Variants in FBXO15 observed in about 807,000 individuals in gnomAD.
FBXO15 encodes the protein F-box only protein 15.
FBXO15 carries 30 observed loss-of-function variants against 49.5 expected under a neutral mutation model. The observed-to-expected ratio is 0.61, with a 90% CI of 0.45 to 0.82. FBXO15 has a LOEUF of 0.82. Among genes scored for constraint, FBXO15 ranks in the 40% least tolerant of loss-of-function variants. FBXO15 has a pLI of 0.00. For synonymous variants in FBXO15, 250 were observed against 232.7 expected, an observed-to-expected ratio of 1.07 and a Z score of -0.68; for missense variants, 591 against 631.5, an observed-to-expected ratio of 0.94 and a Z score of 0.69.
At chr18:74,108,130 C>G (rs1178489285) in intron 8 of FBXO15, among the ~76,000 whole-genome samples, 4 of 152,018 alleles carry the variant, frequency 2.6e-5, no homozygotes, top group African/African-American at 7.2e-5. Flanking sequence ...GTCCAGCTAT[C>G]AAGAAAAAAT....
At chr18:74,082,947 C>T (rs1912569416) in intron 8 of FBXO15, among the ~76,000 whole-genome samples, 1 of 152,198 alleles carries the variant, frequency 6.6e-6, no homozygotes, top group African/African-American at 2.4e-5. Context: ...CAAAATAAAA[C>T]CAAAGCCAAG....
At chr18:74,137,017 G>A (rs1978765739) in intron 2 of FBXO15, among the ~76,000 whole-genome samples, 2 of 152,274 alleles carry the variant, frequency 1.3e-5, no homozygotes, top group South Asian at 2.1e-4. Flanking sequence ...CTATAACTCC[G>A]ATAATACTGA....
intron 8 of FBXO15, among the ~76,000 whole-genome samples, chr18:74,090,883 G>A (rs1484790171): frequency 6.6e-6 from 1 of 152,174 alleles, no homozygotes; most frequent in Non-Finnish European, 1.5e-5. Flanking sequence ...ATATTCTGTT[G>A]TTTTGGGGTG....
chr18:74,123,325 A>C (rs1384617984), intron 8 of FBXO15, 43 bp downstream of exon 8: 1 of 1,585,646 alleles, frequency 6.3e-7, no homozygotes, highest in Non-Finnish European at 8.6e-7. Context: ...CCCTCACCTC[A>C]ACCTTTAATT....
intron 8 of FBXO15, among the ~76,000 whole-genome samples, chr18:74,119,610 C>A (rs1599168293): frequency 6.6e-6 from 1 of 152,010 alleles, no homozygotes; most frequent in East Asian, 1.9e-4. Context: ...GAGACATGAC[C>A]CCCAGGACCC....
chr18:74,076,871 C>T (rs1420353692), intron 9 of FBXO15, among the ~76,000 whole-genome samples: 1 of 152,142 alleles, frequency 6.6e-6, no homozygotes, highest in African/African-American at 2.4e-5. Flanking sequence ...TTGAACACAC[C>T]ATGCCCCCAG....
rs2145194153 is a variant in FBXO15, at chr18:74,125,985, C to T, written c.902G>A (p.Gly301Glu). The T allele has an allele frequency of 6.2e-7, 1 of 1,613,964 alleles. No homozygotes were observed. Among genetic ancestry groups the T allele is most frequent in the East Asian group, 2.2e-5 (1 of 44,872 alleles). The change falls in exon 6 of 10, where the codon GGA becomes GAA. Residue 301 changes from glycine to glutamate, a missense_variant. Transcript: ENST00000419743. ...GGACTCAAGTCTTACCTTCCACACT[C>T]CCACCAGGAGGCCAGGGTGCAGGCA... Reference protein sequence around the residue: ...IFCLHPGLLVGVWKKEEELAF... With the variant: ...IFCLHPGLLVEVWKKEEELAF...
intron 1 of FBXO15, among the ~76,000 whole-genome samples, chr18:74,144,726 C>T (rs1979300618): frequency 6.6e-6 from 1 of 152,126 alleles, no homozygotes; most frequent in East Asian, 1.9e-4. Context: ...TTCCCCAAAG[C>T]CTTTGTGTTG....
chr18:74,078,424 G>A (rs1178766022), intron 9 of FBXO15: 1 of 150,036 alleles, frequency 6.7e-6, no homozygotes, highest in East Asian at 2.0e-4. Context: ...AGGACAGCCA[G>A]CTAGGAAGAG....
At chr18:74,134,322 T>C (rs577891175) in intron 3 of FBXO15, among the ~76,000 whole-genome samples, 43 of 152,228 alleles carry the variant, frequency 2.8e-4, no homozygotes, top group Non-Finnish European at 5.3e-4. Flanking sequence ...ATGGACTAGA[T>C]TAGTTATTTC....
intron 8 of FBXO15, among the ~76,000 whole-genome samples, chr18:74,090,025 G>A (rs982283450): frequency 2.6e-5 from 4 of 152,094 alleles, no homozygotes; most frequent in Admixed American, 1.3e-4. Flanking sequence ...GGTAGAATTT[G>A]GCTGTGAGTC....
chr18:74,132,708 G>A (rs1009491364), intron 3 of FBXO15, among the ~76,000 whole-genome samples: 4 of 152,292 alleles, frequency 2.6e-5, no homozygotes, highest in East Asian at 3.9e-4. Context: ...ATTCGAGGAC[G>A]AGGGCATATT....
chr18:74,103,644 T>C (rs1568165606), intron 8 of FBXO15, among the ~76,000 whole-genome samples: 1 of 151,874 alleles, frequency 6.6e-6, no homozygotes, highest in Non-Finnish European at 1.5e-5. Context: ...GCAAATAACG[T>C]AAAAGAGCAC....
chr18:74,073,697 C>T lies in FBXO15; in HGVS notation c.1297G>A (p.Glu433Lys), dbSNP rs1912135687. 6.2e-7 allele frequency: 1 copy of T among 1,613,784 alleles called. No individual in the cohort carries two copies. Among genetic ancestry groups the T allele is most frequent in the African/African-American group, 1.3e-5 (1 of 74,922 alleles). ...CSMMDVTLLD[E>K]HGKPFWCFSS... ...AAACACCAAAAGGGTTTCCCATGTT[C>T]ATCCAAAAGAGTTACGTCCATCATG... Residue 433 changes from glutamate to lysine, a missense_variant, in exon 10 of 10, where the codon GAA becomes AAA. Coordinates refer to ENST00000419743, the MANE Select transcript of FBXO15 (RefSeq NM_001142958.2).
At chr18:74,146,840 A>C (rs1199331834) in intron 1 of FBXO15, among the ~76,000 whole-genome samples, 6 of 152,274 alleles carry the variant, frequency 3.9e-5, no homozygotes, top group Non-Finnish European at 7.4e-5. Context: ...TTAAACATAG[A>C]CCATTGGTTT....
chr18:74,090,977 T>C (rs924061610), intron 8 of FBXO15, among the ~76,000 whole-genome samples: 3 of 152,142 alleles, frequency 2.0e-5, no homozygotes, highest in African/African-American at 7.2e-5. Flanking sequence ...GATGATCAAA[T>C]ACTGTTAGTG....
intron 8 of FBXO15, among the ~76,000 whole-genome samples, chr18:74,085,337 G>A (rs952592969): frequency 2.3e-5 from 1 of 44,194 alleles, no homozygotes; most frequent in Non-Finnish European, 4.0e-5. Flanking sequence ...GCTCACACCT[G>A]TAATCCCAGC....
Position 74,092,552 on chromosome 18 carries a change from T to A in FBXO15, c.1139-10501A>T, listed in dbSNP as rs574128184. ...TTGCTGTCCTTTGGATAGCTGTATG[T>A]TTTTGCTTTTATCTTTGATGTCCGT... On this transcript the variant is annotated intron_variant, in intron 8 of 9. Coordinates refer to ENST00000419743, the MANE Select transcript of FBXO15 (RefSeq NM_001142958.2). Among the ~76,000 whole-genome samples the A allele has an allele frequency of 2.2e-3, 328 of 152,208 alleles. 3 individuals carry two copies. Among genetic ancestry groups the A allele is most frequent in the African/African-American group, 7.2e-3 (297 of 41,524 alleles).
At chr18:74,115,739 C>T (rs1914204543) in intron 8 of FBXO15, among the ~76,000 whole-genome samples, 2 of 152,164 alleles carry the variant, frequency 1.3e-5, no homozygotes, top group African/African-American at 2.4e-5. Flanking sequence ...TATCATAATG[C>T]ATAATGTATA....
Sources: allele counts gnomAD v4.1 joint callset (sites outside exome capture counted in the v4.1 genomes callset), GRCh38; gene constraint gnomAD v4.1.1; transcripts MANE v1.5; gene names NCBI Gene and HGNC (gene_info 2026-07-23, HGNC 2026-07-21).